Variants in LRRC4C observed in about 807,000 individuals in gnomAD.
LRRC4C encodes leucine rich repeat containing 4C.
A neutral mutation model predicts 33.6 loss-of-function variants in LRRC4C; 5 were observed. The ratio of observed to expected loss-of-function variants is 0.15; its 90% CI spans 0.08 to 0.31. The LOEUF is 0.31. LRRC4C is among the 10% of genes least tolerant of loss of function. The probability of loss-of-function intolerance (pLI) is 1.00; values close to 1 mark genes in which losing one functional copy is unlikely to be tolerated. For missense variants in LRRC4C, 560 were observed against 796.7 expected (o/e 0.70, Z 3.58); for synonymous variants, 329 against 302.0 (o/e 1.09, Z -0.93).
intron 4 of LRRC4C, among the ~76,000 whole-genome samples, chr11:40,245,678 G>A (rs11035747): frequency 2.6e-5 from 4 of 151,826 alleles, no homozygotes; most frequent in African/African-American, 9.7e-5. Context: ...CATCTCTGGC[G>A]GCATGAATTC....
chr11:41,347,885 C>T (rs1245497035), intron 1 of LRRC4C, among the ~76,000 whole-genome samples: 1 of 152,008 alleles, frequency 6.6e-6, no homozygotes. Flanking sequence ...TCCGAACCAC[C>T]GGTACTAATT....
At chr11:40,909,345 T>C (rs537306111) in intron 2 of LRRC4C, among the ~76,000 whole-genome samples, 1 of 152,240 alleles carries the variant, frequency 6.6e-6, no homozygotes, top group Admixed American at 6.5e-5. Context: ...ATGGACAATA[T>C]TTGAAGTCAA....
chr11:40,204,017 G>A (rs1273688700), intron 5 of LRRC4C, among the ~76,000 whole-genome samples: 1 of 152,074 alleles, frequency 6.6e-6, no homozygotes, highest in Admixed American at 6.5e-5. Context: ...CAAACTCCTG[G>A]GCTCAAGAGA....
intron 1 of LRRC4C, among the ~76,000 whole-genome samples, chr11:41,381,802 G>T: frequency 6.6e-6 from 1 of 151,324 alleles, no homozygotes; most frequent in South Asian, 2.1e-4. Context: ...ATTTGAAAAG[G>T]CATCAAGTAG....
Position 40,993,261 on chromosome 11 carries a change from T to A in LRRC4C, c.-495-59538A>T, listed in dbSNP as rs571631564. ...TCTACTTTCATTGAACTGTGCAATATTGGGCACATATAATTTTTTCTGTTT... is the reference window on the plus strand; with the variant it reads ...TCTACTTTCATTGAACTGTGCAATAATGGGCACATATAATTTTTTCTGTTT... On this transcript the variant is annotated intron_variant, in intron 1 of 6. Transcript: ENST00000528697. 4.6e-5 allele frequency among the ~76,000 whole-genome samples: 7 copies of A among 152,110 alleles called. No homozygotes were observed. In the South Asian group the frequency reaches 1.4e-3, roughly 31 times the overall value.
At chr11:41,419,883 C>T (rs1320480639) in intron 1 of LRRC4C, among the ~76,000 whole-genome samples, 2 of 151,948 alleles carry the variant, frequency 1.3e-5, no homozygotes, top group Non-Finnish European at 2.9e-5. Context: ...CTATGAAACT[C>T]CCCTGCCTTA....
chr11:40,711,737 AC>A (rs911120691), intron 2 of LRRC4C, among the ~76,000 whole-genome samples: 2 of 150,934 alleles, frequency 1.3e-5, no homozygotes, highest in East Asian at 2.0e-4. Flanking sequence ...AAAAAAAAAA[AC>A]TTTGTACCAT....
At chr11:40,677,936 A>C (rs2136309848) in intron 2 of LRRC4C, among the ~76,000 whole-genome samples, 1 of 152,244 alleles carries the variant, frequency 6.6e-6, no homozygotes, top group Admixed American at 6.5e-5. Context: ...AGGCACATAA[A>C]CCAGGAATGA....
intron 3 of LRRC4C, among the ~76,000 whole-genome samples, chr11:40,349,943 A>G (rs1947311229): frequency 6.6e-6 from 1 of 151,806 alleles, no homozygotes; most frequent in Non-Finnish European, 1.5e-5. Context: ...AGATTATAAG[A>G]TTTTTTCCTA....
chr11:40,730,652 A>G (rs541335128), intron 2 of LRRC4C, among the ~76,000 whole-genome samples: 1 of 152,304 alleles, frequency 6.6e-6, no homozygotes, highest in African/African-American at 2.4e-5. Context: ...CAGAGGCTCA[A>G]TCAGATTTTG....
At chr11:40,580,688 C>T (rs1958430138) in intron 3 of LRRC4C, among the ~76,000 whole-genome samples, 1 of 152,102 alleles carries the variant, frequency 6.6e-6, no homozygotes, top group African/African-American at 2.4e-5. Context: ...GACAAATCCT[C>T]AATTTTCAAA....
chr11:40,155,791 T>C (rs1038247961), intron 5 of LRRC4C, among the ~76,000 whole-genome samples: 1 of 152,154 alleles, frequency 6.6e-6, no homozygotes, highest in Non-Finnish European at 1.5e-5. Context: ...GAAGAATTGA[T>C]ACCAATCCTT....
At chr11:40,395,170 T>C (rs1239326603) in intron 3 of LRRC4C, among the ~76,000 whole-genome samples, 2 of 152,162 alleles carry the variant, frequency 1.3e-5, no homozygotes, top group East Asian at 3.9e-4. Flanking sequence ...AAAATGTGTA[T>C]AGTTAGGGAA....
chr11:40,783,341 G>A (rs1950293885), intron 2 of LRRC4C, among the ~76,000 whole-genome samples: 1 of 151,714 alleles, frequency 6.6e-6, no homozygotes, highest in Non-Finnish European at 1.5e-5. Context: ...CGTCACCCAG[G>A]CTGGAATGCA....
chr11:40,420,679 TAAAC>T (rs2137737142), intron 3 of LRRC4C, among the ~76,000 whole-genome samples: 1 of 152,328 alleles, frequency 6.6e-6, no homozygotes, highest in Non-Finnish European at 1.5e-5. Flanking sequence ...GAAAGTAACA[TAAAC>T]AACCTGAATG....
At chr11:41,397,552 C>T (rs573763259) in intron 1 of LRRC4C, among the ~76,000 whole-genome samples, 1 of 151,718 alleles carries the variant, frequency 6.6e-6, no homozygotes, top group East Asian at 1.9e-4. Flanking sequence ...TTCTGGTCAG[C>T]ACTAGGCAAT....
At chr11:40,746,915 T>C (rs1591615091) in intron 2 of LRRC4C, among the ~76,000 whole-genome samples, 2 of 152,070 alleles carry the variant, frequency 1.3e-5, no homozygotes, top group South Asian at 2.1e-4. Context: ...AGCCAGAGGG[T>C]CATCCTGCCA....
intron 1 of LRRC4C, among the ~76,000 whole-genome samples, chr11:41,178,131 T>C (rs574914206): frequency 6.6e-6 from 1 of 152,324 alleles, no homozygotes; most frequent in East Asian, 1.9e-4. Context: ...TGTTGGCCTA[T>C]TGAACGAGAA....
At chr11:41,078,600 C>T (rs992386666) in intron 1 of LRRC4C, among the ~76,000 whole-genome samples, 6 of 152,146 alleles carry the variant, frequency 3.9e-5, no homozygotes, top group Admixed American at 3.9e-4. Flanking sequence ...TTTCAGACAA[C>T]CAGGTCTTGT....
Sources: allele counts gnomAD v4.1 joint callset (sites outside exome capture counted in the v4.1 genomes callset), GRCh38; gene constraint gnomAD v4.1.1; transcripts MANE v1.5; gene names NCBI Gene and HGNC (gene_info 2026-07-23, HGNC 2026-07-21).